The following CDH8 variants were observed in gnomAD, a reference collection of about 807,000 sequenced individuals.
CDH8 encodes cadherin-8.
A neutral mutation model predicts 68.1 loss-of-function variants in CDH8; 17 were observed. That is an observed-to-expected ratio of 0.25 (90% CI 0.17 to 0.37). CDH8 has a LOEUF of 0.37. Among genes scored for constraint, CDH8 ranks in the 10% least tolerant of loss-of-function variants. The pLI, the probability that CDH8 is intolerant of heterozygous loss-of-function variation, is 1.00. For synonymous variants in CDH8, 372 were observed against 365.1 expected (o/e 1.02, Z -0.21); for missense variants, 763 against 999.3 (o/e 0.76, Z 3.19).
At chr16:61,971,086 G>A (rs1965332255) in intron 2 of CDH8, among the ~76,000 whole-genome samples, 1 of 152,004 alleles carries the variant, frequency 6.6e-6, no homozygotes, top group Non-Finnish European at 1.5e-5. Context: ...TACTTTGTGA[G>A]ATCCACCCTG....
At chr16:61,847,861 C>T (rs1962843797) in intron 4 of CDH8, among the ~76,000 whole-genome samples, 1 of 150,708 alleles carries the variant, frequency 6.6e-6, no homozygotes, top group African/African-American at 2.5e-5. Flanking sequence ...GTCTGTCTGT[C>T]TATATCTACC....
chr16:61,947,933 T>A (rs998564875), intron 2 of CDH8, among the ~76,000 whole-genome samples: 1 of 152,118 alleles, frequency 6.6e-6, no homozygotes, highest in African/African-American at 2.4e-5. Context: ...TCAGGCAAAC[T>A]CTGTGGTCAA....
chr16:61,878,458 C>A (rs1029816603), intron 3 of CDH8, among the ~76,000 whole-genome samples: 2 of 152,078 alleles, frequency 1.3e-5, no homozygotes, highest in African/African-American at 4.8e-5. Flanking sequence ...TGGATAGAGT[C>A]AAAGCTCAGC....
chr16:61,927,756 A>T (rs927366234), intron 2 of CDH8, among the ~76,000 whole-genome samples: 1 of 152,216 alleles, frequency 6.6e-6, no homozygotes, highest in Non-Finnish European at 1.5e-5. Context: ...GCCTCAGTAG[A>T]CATGGCATGA....
intron 4 of CDH8, among the ~76,000 whole-genome samples, chr16:61,852,118 G>T (rs1462029820): frequency 6.6e-6 from 1 of 152,050 alleles, no homozygotes; most frequent in Non-Finnish European, 1.5e-5. Flanking sequence ...ACAATGGCAA[G>T]AACATAGTAA....
intron 2 of CDH8, among the ~76,000 whole-genome samples, chr16:62,010,261 C>T (rs1476881873): frequency 6.6e-6 from 1 of 152,232 alleles, no homozygotes; most frequent in African/African-American, 2.4e-5. Flanking sequence ...TTTACATTCT[C>T]ATTATGAGAC....
intron 2 of CDH8, among the ~76,000 whole-genome samples, chr16:61,949,219 G>C (rs578004451): frequency 6.6e-6 from 1 of 152,144 alleles, no homozygotes; most frequent in African/African-American, 2.4e-5. Context: ...AGTTGGGAGC[G>C]TAGAAGGCAG....
chr16:61,797,624 C>T (rs2142996071), intron 7 of CDH8, among the ~76,000 whole-genome samples: 1 of 152,220 alleles, frequency 6.6e-6, no homozygotes, highest in South Asian at 2.1e-4. Flanking sequence ...TGAGAGTATG[C>T]AATCAAGATT....
At chr16:61,718,401 A>C (rs1464002252) in intron 9 of CDH8, among the ~76,000 whole-genome samples, 1 of 151,424 alleles carries the variant, frequency 6.6e-6, no homozygotes, top group Non-Finnish European at 1.5e-5. Context: ...ATCCAGCAAT[A>C]ATGAACAGCA....
At chr16:61,688,811 T>C (rs1372658170) in intron 10 of CDH8, among the ~76,000 whole-genome samples, 1 of 151,972 alleles carries the variant, frequency 6.6e-6, no homozygotes, top group Non-Finnish European at 1.5e-5. Context: ...CAACATCAGT[T>C]CTAGTGGTCT....
Position 61,737,753 on chromosome 16 carries a change from T to C in CDH8, c.1415-10538A>G, listed in dbSNP as rs145270716. On this transcript the variant is annotated intron_variant, in intron 8 of 11. Transcript: ENST00000577390. ...TTTTATCTTTACAGTATTGTTTTTA[T>C]GCATTCCCCTTTCTCTGTTATGGCA... 5.6e-4 allele frequency among the ~76,000 whole-genome samples: 85 copies of C among 152,288 alleles called. 1 individual carries two copies. The highest frequency in any genetic ancestry group is 4.4e-3 in the Admixed American group (67 of 15,284).
rs1902154020 is a variant in CDH8 at position 62,024,666 on chromosome 16, A to T, written c.-199-3064T>A. On this transcript the variant is annotated intron_variant, in intron 1 of 11. Transcript: ENST00000577390. ...CTAGTCAGGATAAGTAGGTTAATTA[A>T]AAAGGGGATACGTGTGTAGTCACGA... Among the ~76,000 whole-genome samples the T allele has an allele frequency of 2.0e-5, 3 of 152,202 alleles. No individual in the cohort carries two copies. The South Asian group carries it at 6.2e-4, about 31-fold the overall frequency.
Position 61,976,181 on chromosome 16 carries a change from T to C in CDH8, c.252+44971A>G, listed in dbSNP as rs151256992. Among the ~76,000 whole-genome samples, 621 of 152,254 alleles carry C rather than the reference T, an allele frequency of 4.1e-3. 4 individuals carry two copies. Among genetic ancestry groups the C allele is most frequent in the African/African-American group, 0.014 (596 of 41,568 alleles). On this transcript the variant is annotated intron_variant, in intron 2 of 11. Transcript: ENST00000577390. ...TAGCAAAATGTACTGCATACAAAAC[T>C]TAACACAGGCTTTTATTAGCTGTGC...
At chr16:61,788,122 C>T (rs949881199) in intron 8 of CDH8, among the ~76,000 whole-genome samples, 6 of 151,624 alleles carry the variant, frequency 4.0e-5, no homozygotes, top group Admixed American at 2.0e-4. Flanking sequence ...ATTCTTCACT[C>T]TTGAATCTTC....
chr16:61,910,505 G>C (rs1281513776), intron 2 of CDH8, among the ~76,000 whole-genome samples: 1 of 152,104 alleles, frequency 6.6e-6, no homozygotes, highest in Non-Finnish European at 1.5e-5. Flanking sequence ...TCTAGAATAA[G>C]AGTCTGATAA....
At chr16:61,858,627 C>T (rs12599849) in intron 3 of CDH8, among the ~76,000 whole-genome samples, 9 of 152,182 alleles carry the variant, frequency 5.9e-5, no homozygotes, top group Admixed American at 1.3e-4. Context: ...AGACTTCTTG[C>T]TAAACTTTCA....
intron 2 of CDH8, among the ~76,000 whole-genome samples, chr16:61,909,677 T>G: frequency 6.6e-6 from 1 of 152,160 alleles, no homozygotes; most frequent in East Asian, 1.9e-4. Flanking sequence ...GCCTCTCTAC[T>G]TTGCTCCTAA....
intron 10 of CDH8, among the ~76,000 whole-genome samples, chr16:61,687,890 T>C (rs564388438): frequency 3.3e-5 from 5 of 152,194 alleles, no homozygotes; most frequent in African/African-American, 1.2e-4. Context: ...CATTTATATA[T>C]TATTGCATTC....
chr16:61,867,303 T>A (rs572349586), intron 3 of CDH8, among the ~76,000 whole-genome samples: 34 of 152,306 alleles, frequency 2.2e-4, no homozygotes, highest in Admixed American at 9.8e-4. Flanking sequence ...TAATTTTTTT[T>A]AATTGAAATC....
Sources: gnomAD v4.1 joint callset for allele counts (sites outside exome capture counted in the v4.1 genomes callset) on GRCh38, gnomAD v4.1.1 for gene constraint, MANE v1.5 for transcripts, NCBI Gene and HGNC (gene_info 2026-07-23, HGNC 2026-07-21) for gene names.